Variants in OTOG observed in about 807,000 individuals in gnomAD.
The protein encoded by OTOG is otogelin.
Under a neutral mutation model 313.8 loss-of-function variants are expected in OTOG, and 296 were observed. That is an observed-to-expected ratio of 0.94 (90% CI 0.86 to 1.04). The LOEUF (loss-of-function observed/expected upper bound fraction) is 1.04, where lower values mean the gene tolerates loss of function less well. OTOG is among the 50% of genes least tolerant of loss of function. The pLI is 0.00. For synonymous variants in OTOG, 1,533 were observed against 1,554.9 expected, an observed-to-expected ratio of 0.99 and a Z score of 0.33; for missense variants, 3,948 against 3,840.1, an observed-to-expected ratio of 1.03 and a Z score of -0.74.
chr11:17,589,136 A>G (rs889831249), intron 24 of OTOG, among the ~76,000 whole-genome samples: 2 of 152,070 alleles, frequency 1.3e-5, no homozygotes, highest in Non-Finnish European at 2.9e-5. Flanking sequence ...ACCTGCACCC[A>G]TGCAGCTGAA....
Position 17,551,986 on chromosome 11 carries a change from C to T in OTOG, c.217-14C>T. 3 of 1,550,220 alleles carry T rather than the reference C, an allele frequency of 1.9e-6. No homozygotes were observed. Among genetic ancestry groups the T allele is most frequent in the Admixed American group, 2.0e-5 (1 of 51,004 alleles). ...TCAGCCCTCGATGTGTTCTCTTCCT[C>T]CTGTCTTCACAAGCAGGCTGAAGCC... On this transcript the variant is annotated splice_polypyrimidine_tract_variant and intron_variant, in intron 3 of 55. Coordinates refer to ENST00000399397, the MANE Select transcript of OTOG (RefSeq NM_001292063.2).
At chr11:17,627,673 A>C (rs1183992910) in intron 39 of OTOG, among the ~76,000 whole-genome samples, 1 of 149,906 alleles carries the variant, frequency 6.7e-6, no homozygotes, top group Non-Finnish European at 1.5e-5. Flanking sequence ...CTCTTCTTCA[A>C]ATGTTTGGTA....
At position 17,609,884 on chromosome 11, in the gene OTOG, C is replaced by A; in HGVS notation, c.4584C>A (p.Thr1528=). ...TGGTGTCTCCAGGCCCCACCCAGAC[C>A]ACCCTGCAGCAGCCACTGGAGCTCA... is the stretch of plus-strand genomic sequence containing the variant. The part of the protein sequence containing the change: ...EPVVSPGPTQ[T]TLQQPLELTA... The change falls in exon 36 of 56, where the codon ACC becomes ACA. Residue 1528 remains threonine, a synonymous_variant. Coordinates refer to ENST00000399397, the MANE Select transcript of OTOG (RefSeq NM_001292063.2). The A allele has an allele frequency of 6.6e-7, 1 of 1,513,044 alleles. No homozygotes were observed. Among genetic ancestry groups the A allele is most frequent in the African/African-American group, 1.4e-5 (1 of 72,540 alleles). 93.7% of individuals were successfully genotyped at this position (1,513,044 alleles called of 1,614,324 possible).
intron 39 of OTOG, among the ~76,000 whole-genome samples, chr11:17,628,478 G>A (rs553422787): frequency 4.6e-5 from 7 of 152,190 alleles, no homozygotes; most frequent in South Asian, 4.2e-4. Context: ...TTGTTAATAC[G>A]TAGAAGAGGT....
At chr11:17,601,585 G>A (rs1012625198) in intron 31 of OTOG, among the ~76,000 whole-genome samples, 12 of 145,662 alleles carry the variant, frequency 8.2e-5, no homozygotes, top group African/African-American at 1.3e-4. Flanking sequence ...CCACTGGTGC[G>A]TCCCACCAGG....
intron 1 of OTOG, 187 bp downstream of exon 1, chr11:17,547,653 C>T (rs561032273): frequency 4.3e-4 from 482 of 1,128,758 alleles, no homozygotes; most frequent in Non-Finnish European, 5.2e-4. Context: ...GGCCTATGAC[C>T]GCGGGGGAAA....
chr11:17,588,538 G>C (rs998236627), intron 24 of OTOG, among the ~76,000 whole-genome samples: 1 of 152,152 alleles, frequency 6.6e-6, no homozygotes, highest in Non-Finnish European at 1.5e-5. Context: ...TGGATACATA[G>C]GCTTAGGAAG....
At position 17,561,699 on chromosome 11, in the gene OTOG, C is replaced by A. The variant is rs1022486465; in HGVS notation, c.1536C>A (p.Thr512=). The A allele has an allele frequency of 8.4e-6, 13 of 1,550,550 alleles. No homozygotes were observed. The highest frequency in any genetic ancestry group is 1.2e-5 in the South Asian group (1 of 84,064). ...CSVTGDIHFT[T]FDGRRYTFPA... The stretch of plus-strand genomic sequence containing the variant: ...TGACTGGTGACATTCACTTCACAAC[C>A]TTTGATGGCCGCCGGTACACGTTCC... Residue 512 remains threonine, a synonymous_variant, in exon 15 of 56, where the codon ACC becomes ACA. Transcript: ENST00000399397.
Position 17,558,624 on chromosome 11 carries a change from T to C in OTOG, c.1083T>C (p.Ser361=). The C allele has an allele frequency of 6.5e-7, 1 of 1,550,246 alleles. No individual in the cohort carries two copies. The highest frequency in any genetic ancestry group is 8.7e-7 in the Non-Finnish European group (1 of 1,147,012). The part of the protein sequence containing the change: ...AYVSPLPFTA[S]CTSDLCQSMG... ...TCAGCCCTCTGCCCTTCACAGCCAG[T>C]TGTACCAGTGATCTCTGCCAGTGAG... Residue 361 remains serine (S), a synonymous_variant, in exon 10 of 56, where the codon AGT becomes AGC. Coordinates refer to ENST00000399397, the MANE Select transcript of OTOG (RefSeq NM_001292063.2).
At chr11:17,571,454 T>A (rs1326311685) in intron 17 of OTOG, among the ~76,000 whole-genome samples, 2 of 152,206 alleles carry the variant, frequency 1.3e-5, no homozygotes, top group Non-Finnish European at 2.9e-5. Flanking sequence ...TGGTGACTCT[T>A]GGAGACTTGT....
chr11:17,564,997 G>A (rs1266365018), intron 15 of OTOG, among the ~76,000 whole-genome samples: 1 of 152,136 alleles, frequency 6.6e-6, no homozygotes, highest in African/African-American at 2.4e-5. Context: ...CAGAAATATT[G>A]CAAAGATAGT....
Position 17,564,282 on chromosome 11 carries a change from C to T in OTOG, c.1644+2475C>T, listed in dbSNP as rs116382821. ...GTGTCCTCAGACAGCTTCCATACAGCTACAACATGATCAGTGCCATCACAG... is the reference window on the plus strand; with the variant it reads ...GTGTCCTCAGACAGCTTCCATACAGTTACAACATGATCAGTGCCATCACAG... On this transcript the variant is annotated intron_variant, in intron 15 of 55. Coordinates refer to ENST00000399397, the MANE Select transcript of OTOG (RefSeq NM_001292063.2). Among the ~76,000 whole-genome samples the T allele has an allele frequency of 6.6e-3, 1,002 of 152,284 alleles. 23 individuals are homozygous for T. The highest frequency in any genetic ancestry group is 0.024 in the African/African-American group (978 of 41,556).
rs774875058 is a variant in OTOG, at chr11:17,635,636, C to T, written c.7720C>T (p.Pro2574Ser). 3 of 1,550,534 alleles carry T rather than the reference C, an allele frequency of 1.9e-6. No homozygotes were observed. The highest frequency in any genetic ancestry group is 1.4e-5 in the African/African-American group (1 of 73,158). ...CACGDCPDSIPECQEGEALTV... is the reference protein window; with the variant it reads ...CACGDCPDSISECQEGEALTV... The stretch of plus-strand genomic sequence containing the variant: ...CTGTGGTGACTGTCCAGACTCCATC[C>T]CCGAATGTCAAGAAGGGGAGGCGCT... Residue 2574 changes from proline to serine, a missense_variant, in exon 47 of 56, where the codon CCC becomes TCC. Transcript: ENST00000399397.
intron 34 of OTOG, 30 bp from the exon 35 acceptor site, chr11:17,609,100 C>G: frequency 6.6e-7 from 1 of 1,525,466 alleles, no homozygotes; most frequent in Non-Finnish European, 8.9e-7. Context: ...GTATTTCAGG[C>G]CTTTAAACTG....
At chr11:17,643,221 G>A (rs758836889) in intron 53 of OTOG, among the ~76,000 whole-genome samples, 166 of 152,208 alleles carry the variant, frequency 1.1e-3, no homozygotes, top group Non-Finnish European at 5.7e-4. Context: ...CAGGAAAGAT[G>A]GGAGGCCCTG....
intron 25 of OTOG, among the ~76,000 whole-genome samples, chr11:17,592,066 A>G (rs544080316): frequency 6.6e-6 from 1 of 152,236 alleles, no homozygotes; most frequent in East Asian, 1.9e-4. Flanking sequence ...TGACCAAGAA[A>G]TCTGACTGGA....
Position 17,560,722 on chromosome 11 carries a change from G to A in OTOG, c.1356G>A (p.Glu452=), listed in dbSNP as rs1251610206. Residue 452 remains glutamate, a synonymous_variant, in exon 13 of 56, where the codon GAG becomes GAA. Coordinates refer to ENST00000399397, the MANE Select transcript of OTOG (RefSeq NM_001292063.2). ...CTGTCACTCTAGGGCTCATCTTCGAGGATGGGGGCTGCGTGGCACCAGCTG... is the reference window on the plus strand; with the variant it reads ...CTGTCACTCTAGGGCTCATCTTCGAAGATGGGGGCTGCGTGGCACCAGCTG... ...GCYCPNGLIF[E]DGGCVAPAEC... The A allele has an allele frequency of 1.3e-6, 2 of 1,550,560 alleles. No homozygotes were observed. Among genetic ancestry groups the A allele is most frequent in the Non-Finnish European group, 1.7e-6 (2 of 1,146,940 alleles).
chr11:17,570,437 C>G, intron 17 of OTOG, 47 bp downstream of exon 17: 1 of 1,536,668 alleles, frequency 6.5e-7, no homozygotes, highest in Non-Finnish European at 8.8e-7. Context: ...AAATGGGCCC[C>G]TTAGGGCTGG....
At position 17,602,386 on chromosome 11, in the gene OTOG, C is replaced by T. The variant is rs1202293615; in HGVS notation, c.3877+9C>T. 5 of 1,546,430 alleles carry T rather than the reference C, an allele frequency of 3.2e-6. No individual in the cohort carries two copies. The East Asian group carries it at 1.2e-4, about 38-fold the overall frequency. On this transcript the variant is annotated intron_variant, in intron 32 of 55. Coordinates refer to ENST00000399397, the MANE Select transcript of OTOG (RefSeq NM_001292063.2). Reference sequence around the variant, plus strand: ...CAAGGCCAAGGCCCATGGTAAGGCCCATCCCAGTCCCACTCCAGCTCTTCT... The same window carrying T: ...CAAGGCCAAGGCCCATGGTAAGGCCTATCCCAGTCCCACTCCAGCTCTTCT...
Sources: allele counts gnomAD v4.1 joint callset (sites outside exome capture counted in the v4.1 genomes callset), GRCh38; gene constraint gnomAD v4.1.1; transcripts MANE v1.5; gene names NCBI Gene and HGNC (gene_info 2026-07-23, HGNC 2026-07-21).